The following GBX1 variants were observed in gnomAD, a reference collection of about 807,000 sequenced individuals.
The protein encoded by GBX1 is homeobox protein GBX-1.
A neutral mutation model predicts 22.9 loss-of-function variants in GBX1; 9 were observed. The ratio of observed to expected loss-of-function variants is 0.39; its 90% CI spans 0.24 to 0.69. GBX1 has a LOEUF of 0.69. Ranked by LOEUF, GBX1 falls within the 30% of genes least tolerant of loss-of-function variation. The pLI is 0.43. For synonymous variants in GBX1, 203 were observed against 227.3 expected (o/e 0.89, Z 0.96); for missense variants, 494 against 509.2 (o/e 0.97, Z 0.29).
intron 1 of GBX1, among the ~76,000 whole-genome samples, chr7:151,158,955 A>G (rs753992421): frequency 2.0e-5 from 3 of 152,204 alleles, no homozygotes; most frequent in Non-Finnish European, 2.9e-5. Context: ...ACAGGTGAGT[A>G]CTTCCTATAG....
In GBX1 at chr7:151,167,158, T is replaced by TGGC. The variant is rs763561424; in HGVS notation, c.388_390dup (p.Ala130dup). ...GGCTCGGGGTTGTTTCGGGCGGCAG[T>TGGC]GGCGGCGGCGGCGGCAGCGGCGGCG... On this transcript the variant is annotated inframe_insertion, in exon 1 of 2. Coordinates refer to ENST00000297537, the MANE Select transcript of GBX1 (RefSeq NM_001098834.3). The surrounding 1 kb of genome is among the most constrained non-coding windows in gnomAD (Gnocchi z 5.9). 169 of 1,592,036 alleles carry TGGC rather than the reference T, an allele frequency of 1.1e-4. No homozygotes were observed. The highest frequency in any genetic ancestry group is 2.0e-4 in the South Asian group (18 of 88,918).
At chr7:151,162,856 G>T (rs1362956132) in intron 1 of GBX1, among the ~76,000 whole-genome samples, 1 of 149,272 alleles carries the variant, frequency 6.7e-6, no homozygotes, top group Non-Finnish European at 1.5e-5. Context: ...CCCCAGGCTG[G>T]AGTGCAATGG....
chr7:151,153,935 T>G (rs1006713114), intron 1 of GBX1, among the ~76,000 whole-genome samples: 1 of 152,138 alleles, frequency 6.6e-6, no homozygotes, highest in Non-Finnish European at 1.5e-5. Flanking sequence ...GTAGATACAA[T>G]GTTCATAAAA....
At chr7:151,160,814 T>A (rs1428849318) in intron 1 of GBX1, among the ~76,000 whole-genome samples, 1 of 152,148 alleles carries the variant, frequency 6.6e-6, no homozygotes, top group African/African-American at 2.4e-5. Flanking sequence ...CCAAAAAAAA[T>A]TTCCCGCCTC....
chr7:151,149,952 A>C lies in GBX1; in HGVS notation c.539-810T>G, dbSNP rs1173313235. On this transcript the variant is annotated intron_variant, in intron 1 of 1. Transcript: ENST00000297537. The stretch of plus-strand genomic sequence containing the variant: ...TTTCCCCAGCCAAGGATGCCTGAGC[A>C]GCACAAACAGCTGTTTTCTGCTCAA... The C allele has an allele frequency of 6.6e-6, 3 of 455,934 alleles. No individual in the cohort carries two copies. In the East Asian group the frequency reaches 2.1e-4, roughly 32 times the overall value. The allele number at this position is 455,934 out of a possible 1,614,324, so 28.2% of individuals were successfully genotyped here.
intron 1 of GBX1, among the ~76,000 whole-genome samples, chr7:151,156,850 C>T (rs537084121): frequency 6.6e-6 from 1 of 151,564 alleles, no homozygotes; most frequent in South Asian, 2.1e-4. Flanking sequence ...CCAGGCATGG[C>T]GGTGCGCGCC....
rs1033295902 is a variant in GBX1, at chr7:151,162,235, C to A, written c.538+4776G>T. 2.0e-5 allele frequency among the ~76,000 whole-genome samples: 3 copies of A among 152,202 alleles called. No homozygotes were observed. In the East Asian group the frequency reaches 5.8e-4, roughly 29 times the overall value. On this transcript the variant is annotated intron_variant, in intron 1 of 1. Transcript: ENST00000297537. ...GATCTCCATCACTTCCCCCAAAAAT[C>A]TCCCTCTTGTTTCTAACAACATAAT...
At chr7:151,161,060 TCA>T (rs1293548006) in intron 1 of GBX1, among the ~76,000 whole-genome samples, 3 of 152,328 alleles carry the variant, frequency 2.0e-5, no homozygotes, top group South Asian at 2.1e-4. Context: ...TAATTCCAAA[TCA>T]GTTTCTTTTC....
intron 1 of GBX1, among the ~76,000 whole-genome samples, chr7:151,152,193 G>A (rs1179392498): frequency 2.0e-5 from 3 of 152,138 alleles, no homozygotes; most frequent in Non-Finnish European, 2.9e-5. Context: ...TAAAAGAAAC[G>A]ATTTCCAAAT....
At position 151,148,125 on chromosome 7, in the gene GBX1, G is replaced by C. The variant is rs1236056887; in HGVS notation, c.*464C>G. ...AAACAACTTTCCCAATCCCTCTCAG[G>C]GGTGCAGACAGACGTACAGAGACAG... On this transcript the variant is annotated 3_prime_UTR_variant, in exon 2 of 2. Coordinates refer to ENST00000297537, the MANE Select transcript of GBX1 (RefSeq NM_001098834.3). This position sits in a 1 kb window ranked among gnomAD's most constrained non-coding sequence, Gnocchi z 5.1. Among the ~76,000 whole-genome samples the C allele has an allele frequency of 1.3e-5, 2 of 152,110 alleles. No individual in the cohort carries two copies. Among genetic ancestry groups the C allele is most frequent in the Non-Finnish European group, 2.9e-5 (2 of 68,020 alleles).
intron 1 of GBX1, among the ~76,000 whole-genome samples, chr7:151,165,853 T>C (rs1801244720): frequency 6.6e-6 from 1 of 152,194 alleles, no homozygotes; most frequent in Non-Finnish European, 1.5e-5. Context: ...AATCAAGAAT[T>C]ATCTCTGCTG....
intron 1 of GBX1, chr7:151,149,771 T>C: frequency 2.7e-6 from 1 of 374,928 alleles, no homozygotes; most frequent in Non-Finnish European, 5.3e-6. Context: ...CCCTCTTCCC[T>C]AGATCTGCAG....
At chr7:151,155,801 A>G (rs557703488) in intron 1 of GBX1, among the ~76,000 whole-genome samples, 5 of 152,290 alleles carry the variant, frequency 3.3e-5, no homozygotes, top group Non-Finnish European at 7.3e-5. Context: ...CAGTTGACTG[A>G]CGTAGAGCAG....
At chr7:151,156,851 G>A (rs957686965) in intron 1 of GBX1, among the ~76,000 whole-genome samples, 2 of 151,842 alleles carry the variant, frequency 1.3e-5, no homozygotes, top group African/African-American at 2.4e-5. Context: ...CAGGCATGGC[G>A]GTGCGCGCCT....
intron 1 of GBX1, among the ~76,000 whole-genome samples, chr7:151,159,457 A>G (rs1361565839): frequency 2.0e-5 from 3 of 152,148 alleles, no homozygotes; most frequent in Non-Finnish European, 4.4e-5. Context: ...ATCTCACTGC[A>G]GCCTCAAGCC....
chr7:151,148,644 T>G lies in GBX1; in HGVS notation c.1037A>C (p.Asn346Thr). ...KIVVPIPVHV[N>T]RFAVRSQHQQ... is the part of the protein sequence containing the mutation. Reference sequence around the variant, plus strand: ...GTGCTGGCTCCGCACAGCAAACCTGTTGACATGCACAGGTATGGGGACAAC... The same window carrying G: ...GTGCTGGCTCCGCACAGCAAACCTGGTGACATGCACAGGTATGGGGACAAC... Residue 346 changes from asparagine to threonine, a missense_variant, in exon 2 of 2, where the codon AAC becomes ACC. Around this residue, in one of 3 missense-constraint regions of GBX1, gnomAD observed 124 missense variants for 152.0 expected, o/e 0.82. Transcript: ENST00000297537. The surrounding 1 kb of genome is among the most constrained non-coding windows in gnomAD (Gnocchi z 5.1). 6.2e-7 allele frequency: 1 copy of G among 1,614,086 alleles called. No homozygotes were observed. The highest frequency in any genetic ancestry group is 8.5e-7 in the Non-Finnish European group (1 of 1,180,014).
At chr7:151,160,221 C>T (rs1563552641) in intron 1 of GBX1, among the ~76,000 whole-genome samples, 1 of 152,170 alleles carries the variant, frequency 6.6e-6, no homozygotes, top group Non-Finnish European at 1.5e-5. Context: ...TTTGCTTAGG[C>T]TAATCAGTTT....
Position 151,167,138 on chromosome 7 carries a change from G to T in GBX1, c.411C>A (p.Pro137=), listed in dbSNP as rs764104949. Residue 137 remains proline, a synonymous_variant, in exon 1 of 2, where the codon CCC becomes CCA. Transcript: ENST00000297537. This position sits in a 1 kb window ranked among gnomAD's most constrained non-coding sequence, Gnocchi z 5.9. Reference sequence around the variant, plus strand: ...CCTCTGGGCGTCGGCCGCCTGGCTCGGGGTTGTTTCGGGCGGCAGTGGCGG... The same window carrying T: ...CCTCTGGGCGTCGGCCGCCTGGCTCTGGGTTGTTTCGGGCGGCAGTGGCGG... The part of the protein sequence containing the change: ...AAAATAARNN[P]EPGGRRPEGG... 3 of 1,602,342 alleles carry T rather than the reference G, an allele frequency of 1.9e-6. No individual in the cohort carries two copies. Among genetic ancestry groups the T allele is most frequent in the Non-Finnish European group, 2.6e-6 (3 of 1,176,202 alleles).
intron 1 of GBX1, among the ~76,000 whole-genome samples, chr7:151,156,985 A>C (rs1336530447): frequency 3.6e-5 from 2 of 56,118 alleles, no homozygotes; most frequent in African/African-American, 1.9e-4. Context: ...ACTCTGTCTC[A>C]AAAAAAAAAA....
Sources: gnomAD v4.1 joint callset for allele counts (sites outside exome capture counted in the v4.1 genomes callset) on GRCh38, gnomAD v4.1.1 for gene constraint, gnomAD v4.1.1 regional missense constraint, Gnocchi (gnomAD v3.1) non-coding constraint, MANE v1.5 for transcripts, NCBI Gene and HGNC (gene_info 2026-07-23, HGNC 2026-07-21) for gene names.